The following NYAP2 variants were observed in gnomAD, a reference collection of about 807,000 sequenced individuals.
The protein encoded by NYAP2 is neuronal tyrosine-phosphorylated phosphoinositide-3-kinase adapter 2.
A neutral mutation model predicts 50.4 loss-of-function variants in NYAP2; 23 were observed. That is an observed-to-expected ratio of 0.46 (90% confidence interval 0.33 to 0.65). NYAP2 has a LOEUF of 0.65. NYAP2 is among the 30% of genes least tolerant of loss of function. The pLI is 0.02. For missense variants in NYAP2, 885 were observed against 861.0 expected (o/e 1.03, Z -0.35); for synonymous variants, 394 against 365.2 (o/e 1.08, Z -0.90).
intron 3 of NYAP2, among the ~76,000 whole-genome samples, chr2:225,462,260 G>T (rs568468771): frequency 5.9e-5 from 9 of 152,136 alleles, no homozygotes. Flanking sequence ...TGGGAAAAAA[G>T]ATCTGAAAGT....
intron 6 of NYAP2, among the ~76,000 whole-genome samples, chr2:225,637,344 A>T (rs892016994): frequency 1.3e-5 from 2 of 152,052 alleles, no homozygotes; most frequent in African/African-American, 4.8e-5. Flanking sequence ...TGTAATTTAG[A>T]CTTCACTGTA....
intron 3 of NYAP2, among the ~76,000 whole-genome samples, chr2:225,473,940 T>A (rs1263637454): frequency 6.6e-6 from 1 of 152,250 alleles, no homozygotes; most frequent in African/African-American, 2.4e-5. Flanking sequence ...TTTATGGTTT[T>A]AGGTCTAACA....
At chr2:225,607,711 C>T (rs1442422677) in intron 5 of NYAP2, among the ~76,000 whole-genome samples, 1 of 151,382 alleles carries the variant, frequency 6.6e-6, no homozygotes, top group African/African-American at 2.4e-5. Context: ...ATCAAAAGAA[C>T]CATGAAGAAC....
At chr2:225,538,177 A>G (rs1341240219) in intron 4 of NYAP2, among the ~76,000 whole-genome samples, 1 of 152,016 alleles carries the variant, frequency 6.6e-6, no homozygotes, top group East Asian at 1.9e-4. Context: ...CAGTGAATCT[A>G]CCATTCTGGA....
chr2:225,554,335 T>G (rs1440558645), intron 4 of NYAP2, among the ~76,000 whole-genome samples: 2 of 151,790 alleles, frequency 1.3e-5, no homozygotes, highest in Admixed American at 1.3e-4. Context: ...TTTTTTTTTT[T>G]TTTGAGACAG....
intron 2 of NYAP2, among the ~76,000 whole-genome samples, chr2:225,404,945 A>C (rs1694915596): frequency 6.6e-6 from 1 of 152,004 alleles, no homozygotes; most frequent in African/African-American, 2.4e-5. Flanking sequence ...GGTCCCTGAC[A>C]CAAATTTTAA....
At position 225,593,126 on chromosome 2, in the gene NYAP2, T is replaced by A. The variant is rs79759655; in HGVS notation, c.1618+10091T>A. 5.9e-3 allele frequency among the ~76,000 whole-genome samples: 894 copies of A among 152,318 alleles called. 13 individuals carry two copies. Among genetic ancestry groups the A allele is most frequent in the African/African-American group, 0.021 (852 of 41,544 alleles). ...ACAATAAGTAATTAAATATTCAGTA[T>A]AAGTGAGTTCCTACTGGCTACATCA... On this transcript the variant is annotated intron_variant, in intron 5 of 6. Coordinates refer to ENST00000636099, the Ensembl canonical transcript of NYAP2.
intron 4 of NYAP2, among the ~76,000 whole-genome samples, chr2:225,567,896 A>G (rs1691989152): frequency 6.6e-6 from 1 of 152,140 alleles, no homozygotes; most frequent in Admixed American, 6.6e-5. Context: ...AGAGGAAGAA[A>G]AATCATACTG....
chr2:225,608,379 A>G (rs1215728440), intron 5 of NYAP2, among the ~76,000 whole-genome samples: 1 of 152,048 alleles, frequency 6.6e-6, no homozygotes, highest in Admixed American at 6.6e-5. Flanking sequence ...TTATTCTCAC[A>G]TCTTCCTTCT....
chr2:225,618,047 A>G (rs1215103805), intron 5 of NYAP2, among the ~76,000 whole-genome samples: 1 of 152,028 alleles, frequency 6.6e-6, no homozygotes, highest in African/African-American at 2.4e-5. Flanking sequence ...ATCAGAGCAC[A>G]AGACATGTGC....
the NYAP2 span, among the ~76,000 whole-genome samples, chr2:225,695,381 T>C: frequency 6.6e-6 from 1 of 151,962 alleles, no homozygotes; most frequent in Non-Finnish European, 1.5e-5. Context: ...TAAGAAATAT[T>C]GGGACTTAAA....
chr2:225,693,626 G>A, the NYAP2 span, among the ~76,000 whole-genome samples: 1 of 152,012 alleles, frequency 6.6e-6, no homozygotes, highest in Non-Finnish European at 1.5e-5. Flanking sequence ...ACTCTTCCTG[G>A]TTGCAGACTG....
At chr2:225,597,578 G>A (rs1340347133) in intron 5 of NYAP2, among the ~76,000 whole-genome samples, 4 of 121,740 alleles carry the variant, frequency 3.3e-5, no homozygotes, top group East Asian at 2.6e-4. Flanking sequence ...CATTTGGGCC[G>A]GTTCCATATT....
At chr2:225,502,581 G>A (rs943323087) in intron 3 of NYAP2, among the ~76,000 whole-genome samples, 9 of 152,180 alleles carry the variant, frequency 5.9e-5, no homozygotes, top group Non-Finnish European at 8.8e-5. Flanking sequence ...GACCAATTAA[G>A]TTTTGCCCAA....
chr2:225,613,796 A>G (rs886705021), intron 5 of NYAP2, among the ~76,000 whole-genome samples: 1 of 152,142 alleles, frequency 6.6e-6, no homozygotes, highest in Non-Finnish European at 1.5e-5. Context: ...CACTGTCTTC[A>G]TTTATTATAT....
At chr2:225,607,143 C>T (rs1692800198) in intron 5 of NYAP2, among the ~76,000 whole-genome samples, 2 of 152,040 alleles carry the variant, frequency 1.3e-5, no homozygotes, top group South Asian at 2.1e-4. Context: ...TATAATTTTA[C>T]ATCTCGGCCC....
the NYAP2 span, among the ~76,000 whole-genome samples, chr2:225,677,150 T>C: frequency 1.3e-5 from 2 of 152,120 alleles, no homozygotes; most frequent in African/African-American, 2.4e-5. Context: ...TGGATTTCTA[T>C]GTTTTTCATT....
chr2:225,561,830 T>C (rs1392650996), intron 4 of NYAP2, among the ~76,000 whole-genome samples: 1 of 152,128 alleles, frequency 6.6e-6, no homozygotes, highest in Non-Finnish European at 1.5e-5. Flanking sequence ...TCATGTTATG[T>C]TGACAGTAAA....
At chr2:225,523,721 C>T (rs2106192780) in intron 4 of NYAP2, among the ~76,000 whole-genome samples, 1 of 152,078 alleles carries the variant, frequency 6.6e-6, no homozygotes, top group South Asian at 2.1e-4. Context: ...TCCTAAAATT[C>T]ACATGAAACC....
Sources: allele counts gnomAD v4.1 joint callset (sites outside exome capture counted in the v4.1 genomes callset), GRCh38; gene constraint gnomAD v4.1.1; transcripts MANE v1.5; gene names NCBI Gene and HGNC (gene_info 2026-07-23, HGNC 2026-07-21).